The following SCOC variants were observed in gnomAD, a reference collection of about 807,000 sequenced individuals.
The protein encoded by SCOC is short coiled coil protein.
A neutral mutation model predicts 9.9 loss-of-function variants in SCOC; 7 were observed. That is an observed-to-expected ratio of 0.71 (90% CI 0.40 to 1.33). The LOEUF (loss-of-function observed/expected upper bound fraction) is 1.33, where lower values mean the gene tolerates loss of function less well. Ranked by LOEUF, SCOC falls within the 40% of genes most tolerant of loss-of-function variation. The pLI is 0.01. For missense variants in SCOC, 66 were observed against 89.7 expected, an observed-to-expected ratio of 0.74 and a Z score of 1.07; for synonymous variants, 19 against 28.2, an observed-to-expected ratio of 0.67 and a Z score of 1.03.
chr4:140,291,133 A>G (rs950396507), intron 1 of SCOC, among the ~76,000 whole-genome samples: 1 of 152,068 alleles, frequency 6.6e-6, no homozygotes, highest in African/African-American at 2.4e-5. Context: ...GCAAGCCTGG[A>G]TCTGCTGCAG....
upstream of SCOC, among the ~76,000 whole-genome samples, chr4:140,370,729 CT>C (rs1462400543): frequency 6.6e-6 from 1 of 152,078 alleles, no homozygotes; most frequent in Non-Finnish European, 1.5e-5. Flanking sequence ...GAATATGCCC[CT>C]TTATCTAATT....
At chr4:140,372,079 A>G (rs1307082103), upstream of SCOC, among the ~76,000 whole-genome samples, 1 of 152,194 alleles carries the variant, frequency 6.6e-6, no homozygotes, top group Non-Finnish European at 1.5e-5. Context: ...GATAAACACA[A>G]AGTAAGATGA....
At chr4:140,329,703 T>C (rs919693105) in intron 1 of SCOC, among the ~76,000 whole-genome samples, 1 of 152,100 alleles carries the variant, frequency 6.6e-6, no homozygotes, top group Non-Finnish European at 1.5e-5. Flanking sequence ...GGAAAAATGC[T>C]CAATATCACT....
intron 1 of SCOC, among the ~76,000 whole-genome samples, chr4:140,274,438 A>G (rs1404097060): frequency 6.6e-6 from 1 of 152,158 alleles, no homozygotes; most frequent in Non-Finnish European, 1.5e-5. Flanking sequence ...GACCTTCTCC[A>G]GTTATGAGGG....
chr4:140,263,907 G>A (rs143993670), intron 1 of SCOC, among the ~76,000 whole-genome samples: 144 of 152,284 alleles, frequency 9.5e-4, no homozygotes, highest in African/African-American at 3.3e-3. Context: ...ATTGTCTGGA[G>A]GTCTTTTTCA....
rs1379063290 is a variant in SCOC, at chr4:140,385,555, A to G, written c.*4451A>G. On this transcript the variant is annotated 3_prime_UTR_variant, in exon 4 of 4. Coordinates refer to ENST00000608372, the MANE Select transcript of SCOC (RefSeq NM_001153484.2). ...CATTTAGTTCCAACTAGTTAATGTCACATCTCTATTCCTGTCACCCTTCCC... is the reference window on the plus strand; with the variant it reads ...CATTTAGTTCCAACTAGTTAATGTCGCATCTCTATTCCTGTCACCCTTCCC... 6.6e-6 allele frequency: 1 copy of G among 152,198 alleles called. No homozygotes were observed. The highest frequency in any genetic ancestry group is 1.5e-5 in the Non-Finnish European group (1 of 68,028). 9.4% of individuals were successfully genotyped at this position (152,198 alleles called of 1,614,324 possible).
upstream of SCOC, among the ~76,000 whole-genome samples, chr4:140,368,835 T>C (rs537503848): frequency 6.6e-6 from 1 of 152,330 alleles, no homozygotes; most frequent in African/African-American, 2.4e-5. Context: ...CTTTTATCTG[T>C]AGCTATCTGC....
intron 1 of SCOC, among the ~76,000 whole-genome samples, chr4:140,304,640 G>T (rs1373131663): frequency 1.3e-5 from 2 of 152,088 alleles, no homozygotes; most frequent in Non-Finnish European, 2.9e-5. Context: ...AGAAACTCAG[G>T]CTGTTCTCTG....
intron 1 of SCOC, among the ~76,000 whole-genome samples, chr4:140,310,815 G>A (rs1464187169): frequency 6.6e-6 from 1 of 152,174 alleles, no homozygotes; most frequent in East Asian, 1.9e-4. Context: ...CTCCTGTCTT[G>A]TGGGTGGCAG....
intron 1 of SCOC, among the ~76,000 whole-genome samples, chr4:140,294,475 G>GA (rs1487381194): frequency 6.6e-6 from 1 of 152,076 alleles, no homozygotes; most frequent in Non-Finnish European, 1.5e-5. Context: ...TCATTGTCAG[G>GA]AAAAAATGGG....
At chr4:140,332,866 C>A (rs1187748178) in intron 1 of SCOC, among the ~76,000 whole-genome samples, 1 of 152,126 alleles carries the variant, frequency 6.6e-6, no homozygotes, top group Admixed American at 6.6e-5. Context: ...CCTGACTCTG[C>A]CTTCCCCTAC....
At chr4:140,290,641 C>T (rs1731444390) in intron 1 of SCOC, among the ~76,000 whole-genome samples, 1 of 152,146 alleles carries the variant, frequency 6.6e-6, no homozygotes. Flanking sequence ...GGTGAAACCC[C>T]ATCTCTACTA....
At chr4:140,278,682 A>T (rs1422955697) in intron 1 of SCOC, among the ~76,000 whole-genome samples, 1 of 152,146 alleles carries the variant, frequency 6.6e-6, no homozygotes, top group African/African-American at 2.4e-5. Context: ...TGTGTTGATT[A>T]GGTTTCAATG....
rs374509856 is a variant in SCOC, at chr4:140,334,950, T to C, written c.-18-8671T>C. Among the ~76,000 whole-genome samples, 5 of 152,054 alleles carry C rather than the reference T, an allele frequency of 3.3e-5. No individual in the cohort carries two copies. The East Asian group carries it at 9.7e-4, about 29-fold the overall frequency. Reference sequence around the variant, plus strand: ...AACCCTGTCTCAAAAATAAAATAAATAAAATAAAAAACAGGAAATCTTGCA... The same window carrying C: ...AACCCTGTCTCAAAAATAAAATAAACAAAATAAAAAACAGGAAATCTTGCA... On this transcript the variant is annotated intron_variant, in intron 1 of 4. Coordinates refer to the SCOC transcript ENST00000394205.
rs1406546754 is a variant in SCOC at position 140,375,707 on chromosome 4, G to A, written c.-51+1990G>A. ...TTCCTGGTTTGTATTCTCTCTATGC[G>A]TTCTGCCTCCTGGACTTAAATAATC... On this transcript the variant is annotated intron_variant, in intron 1 of 3. Coordinates refer to ENST00000608372, the MANE Select transcript of SCOC (RefSeq NM_001153484.2). Among the ~76,000 whole-genome samples, 3 of 152,098 alleles carry A rather than the reference G, an allele frequency of 2.0e-5. No individual in the cohort carries two copies. In the East Asian group the frequency reaches 5.8e-4, roughly 29 times the overall value.
At chr4:140,275,816 G>GTTT (rs199643449) in intron 1 of SCOC, among the ~76,000 whole-genome samples, 17 of 133,450 alleles carry the variant, frequency 1.3e-4, no homozygotes, top group African/African-American at 2.2e-4. Context: ...ACTCGCTCAG[G>GTTT]TTTGTTTTTT....
At chr4:140,364,255 G>T (rs765934338) in intron 2 of SCOC, among the ~76,000 whole-genome samples, 1 of 152,066 alleles carries the variant, frequency 6.6e-6, no homozygotes. Flanking sequence ...GCAAAAGGAA[G>T]GCGAAGGATG....
intron 1 of SCOC, among the ~76,000 whole-genome samples, chr4:140,276,037 G>A (rs1300578210): frequency 1.3e-5 from 2 of 151,552 alleles, no homozygotes; most frequent in East Asian, 1.9e-4. Flanking sequence ...GGAGTCTCAC[G>A]ATGTTGCCCA....
intron 1 of SCOC, chr4:140,293,158 T>C (rs1294343160): frequency 2.6e-6 from 1 of 388,656 alleles, no homozygotes; most frequent in Admixed American, 3.0e-5. Flanking sequence ...TCTGAATCAT[T>C]GCACATGCAA....
Sources: allele counts gnomAD v4.1 joint callset (sites outside exome capture counted in the v4.1 genomes callset), GRCh38; gene constraint gnomAD v4.1.1; transcripts MANE v1.5; gene names NCBI Gene and HGNC (gene_info 2026-07-23, HGNC 2026-07-21).